The following SPECC1 variants were observed in gnomAD, a reference collection of about 807,000 sequenced individuals.
SPECC1 encodes the protein cytospin-B.
A neutral mutation model predicts 104.1 loss-of-function variants in SPECC1; 62 were observed. The observed-to-expected ratio is 0.60, with a 90% CI of 0.49 to 0.74. The LOEUF (loss-of-function observed/expected upper bound fraction) is 0.74. Ranked by LOEUF, SPECC1 falls within the 30% of genes least tolerant of loss-of-function variation. The pLI is 0.00. For missense variants in SPECC1, 1,306 were observed against 1,310.5 expected, an observed-to-expected ratio of 1.00 and a Z score of 0.05; for synonymous variants, 513 against 501.6, an observed-to-expected ratio of 1.02 and a Z score of -0.30.
chr17:20,089,099 C>T (rs539678712), intron 1 of SPECC1, among the ~76,000 whole-genome samples: 7 of 152,268 alleles, frequency 4.6e-5, no homozygotes, highest in South Asian at 4.1e-4. Flanking sequence ...TGGACTCAGA[C>T]GGTGTGTAAG....
chr17:20,121,525 C>T (rs915570109), intron 3 of SPECC1, among the ~76,000 whole-genome samples: 18 of 152,084 alleles, frequency 1.2e-4, no homozygotes, highest in African/African-American at 4.3e-4. Context: ...TGCACACCAC[C>T]GGGGTCTCGC....
intron 3 of SPECC1, among the ~76,000 whole-genome samples, chr17:20,191,655 C>A (rs184309166): frequency 4.6e-5 from 7 of 152,182 alleles, no homozygotes; most frequent in Middle Eastern, 3.4e-3. Flanking sequence ...CTAGCCCCCC[C>A]ACCCACTGAC....
At chr17:20,110,343 C>A in intron 2 of SPECC1, 84 bp from the exon 3 acceptor site, 1 of 1,478,312 alleles carries the variant, frequency 6.8e-7, no homozygotes, top group South Asian at 1.4e-5. Context: ...GGCACATAGC[C>A]CAGCTCCCAT....
chr17:20,045,293 G>C (rs1285112778), intron 1 of SPECC1, among the ~76,000 whole-genome samples: 1 of 152,128 alleles, frequency 6.6e-6, no homozygotes, highest in Non-Finnish European at 1.5e-5. Flanking sequence ...ATGGTTGAAT[G>C]ATGGGTACAT....
intron 1 of SPECC1, among the ~76,000 whole-genome samples, chr17:20,077,629 G>A (rs945907216): frequency 2.0e-5 from 3 of 152,114 alleles, no homozygotes; most frequent in Middle Eastern, 6.8e-3. Flanking sequence ...ACCACGCCTG[G>A]CTAAGTTTTG....
At chr17:20,154,900 C>T (rs900832331) in intron 3 of SPECC1, among the ~76,000 whole-genome samples, 3 of 151,936 alleles carry the variant, frequency 2.0e-5, no homozygotes, top group African/African-American at 4.8e-5. Context: ...TGAAAGGAGT[C>T]GAGGTTTCTG....
At chr17:20,123,843 C>T (rs1316247523) in intron 3 of SPECC1, among the ~76,000 whole-genome samples, 2 of 152,234 alleles carry the variant, frequency 1.3e-5, no homozygotes, top group Non-Finnish European at 2.9e-5. Context: ...TTAGTCTTTA[C>T]TACAGCCCTA....
intron 13 of SPECC1, among the ~76,000 whole-genome samples, chr17:20,303,308 C>G (rs1261364857): frequency 6.6e-6 from 1 of 152,204 alleles, no homozygotes; most frequent in Non-Finnish European, 1.5e-5. Flanking sequence ...GCTCCCCTCT[C>G]AGCAGAACAG....
At chr17:20,141,204 C>T (rs1023905291) in intron 3 of SPECC1, among the ~76,000 whole-genome samples, 2 of 152,198 alleles carry the variant, frequency 1.3e-5, no homozygotes, top group African/African-American at 4.8e-5. Flanking sequence ...CCTTTAAAAA[C>T]CCTTCTGCAG....
chr17:20,206,001 A>G (rs2036755627), intron 4 of SPECC1, 89 bp downstream of exon 4: 2 of 1,483,058 alleles, frequency 1.3e-6, no homozygotes, highest in African/African-American at 1.4e-5. Context: ...ACAGAGAAGC[A>G]TTTGCTTAGT....
At chr17:20,281,280 A>G (rs1032594031) in intron 12 of SPECC1, among the ~76,000 whole-genome samples, 1 of 152,200 alleles carries the variant, frequency 6.6e-6, no homozygotes, top group Non-Finnish European at 1.5e-5. Context: ...TTAAGTGAGG[A>G]CTTACTATAA....
chr17:20,272,152 T>A (rs2040430677), intron 12 of SPECC1, among the ~76,000 whole-genome samples: 1 of 152,178 alleles, frequency 6.6e-6, no homozygotes, highest in South Asian at 2.1e-4. Flanking sequence ...ATGACTTTAT[T>A]TTCTGGAATT....
Position 20,232,356 on chromosome 17 carries a change from G to A in SPECC1, c.2302G>A (p.Gly768Arg). Residue 768 changes from glycine to arginine, a missense_variant, in exon 7 of 15, where the codon GGG becomes AGG. Physicochemically the swap from Gly to Arg is moderately radical, Grantham distance 125. Transcript: ENST00000395527. ...EKNARLQKEL[G>R]DVQGHGRVVT... ...GAATGCCCGGTTGCAGAAGGAGCTG[G>A]GGGATGTGCAGGGCCACGGCAGGGT... 6.2e-7 allele frequency: 1 copy of A among 1,613,896 alleles called. No individual in the cohort carries two copies. Among genetic ancestry groups the A allele is most frequent in the Non-Finnish European group, 8.5e-7 (1 of 1,179,900 alleles).
chr17:20,285,425 T>TC (rs1308659094), intron 12 of SPECC1, among the ~76,000 whole-genome samples: 1 of 152,120 alleles, frequency 6.6e-6, no homozygotes, highest in Non-Finnish European at 1.5e-5. Flanking sequence ...TTTTTTTTTT[T>TC]CCTAAACCCT....
At chr17:20,197,291 T>C (rs1597945801) in intron 3 of SPECC1, among the ~76,000 whole-genome samples, 1 of 152,244 alleles carries the variant, frequency 6.6e-6, no homozygotes, top group Non-Finnish European at 1.5e-5. Flanking sequence ...GAATTTTTTA[T>C]GCCAAACAGC....
At position 20,281,972 on chromosome 17, in the gene SPECC1, T is replaced by G. The variant is rs568501396; in HGVS notation, c.2941-14989T>G. On this transcript the variant is annotated intron_variant, in intron 12 of 14. Coordinates refer to ENST00000395527, the MANE Select transcript of SPECC1 (RefSeq NM_001243439.2). ...GGAGGCCCCTGCTGAGCCGCGGGGCTTCGCCTGCGTTCGGGTGCTGTGTGA... is the reference window on the plus strand; with the variant it reads ...GGAGGCCCCTGCTGAGCCGCGGGGCGTCGCCTGCGTTCGGGTGCTGTGTGA... Among the ~76,000 whole-genome samples the G allele has an allele frequency of 1.1e-4, 16 of 152,358 alleles. No individual in the cohort carries two copies. In the South Asian group the frequency reaches 1.4e-3, roughly 14 times the overall value.
intron 4 of SPECC1, among the ~76,000 whole-genome samples, chr17:20,212,718 TAAAC>T (rs943916542): frequency 1.6e-4 from 25 of 152,348 alleles, no homozygotes; most frequent in African/African-American, 6.0e-4. Flanking sequence ...TATTTCCTTT[TAAAC>T]TATATGTAAT....
chr17:20,100,072 A>T (rs2047869664), intron 2 of SPECC1, among the ~76,000 whole-genome samples: 1 of 152,112 alleles, frequency 6.6e-6, no homozygotes, highest in South Asian at 2.1e-4. Context: ...GTCATTTTAA[A>T]TTTTTTTATT....
intron 1 of SPECC1, among the ~76,000 whole-genome samples, chr17:20,092,008 G>A (rs1342022892): frequency 6.6e-6 from 1 of 152,260 alleles, no homozygotes; most frequent in South Asian, 2.1e-4. Flanking sequence ...GACTTTAACT[G>A]TTGCCCAGCG....
Sources: allele counts gnomAD v4.1 joint callset (sites outside exome capture counted in the v4.1 genomes callset), GRCh38; gene constraint gnomAD v4.1.1; transcripts MANE v1.5; gene names NCBI Gene and HGNC (gene_info 2026-07-23, HGNC 2026-07-21).